The following PELI1 variants were observed in gnomAD, a reference collection of about 807,000 sequenced individuals.
PELI1 encodes E3 ubiquitin-protein ligase pellino homolog 1.
PELI1 carries 15 observed loss-of-function variants against 41.3 expected under a neutral mutation model. That is an observed-to-expected ratio of 0.36 (90% confidence interval 0.24 to 0.56). The LOEUF is 0.56. Ranked by LOEUF, PELI1 falls within the 20% of genes least tolerant of loss-of-function variation. PELI1 has a pLI of 0.82. For missense variants in PELI1, 403 were observed against 525.5 expected (o/e 0.77, Z 2.28); for synonymous variants, 178 against 180.1 (o/e 0.99, Z 0.09).
intron 1 of PELI1, among the ~76,000 whole-genome samples, chr2:64,136,242 A>G (rs1442004845): frequency 6.6e-6 from 1 of 152,176 alleles, no homozygotes; most frequent in Admixed American, 6.5e-5. Context: ...TTCAGAGTTA[A>G]TGGAAAGCCC....
intron 1 of PELI1, among the ~76,000 whole-genome samples, chr2:64,138,386 TTAAC>T (rs1420202463): frequency 6.6e-6 from 1 of 152,178 alleles, no homozygotes; most frequent in Admixed American, 6.5e-5. Flanking sequence ...ATTACTCACT[TTAAC>T]TATTTATCAT....
intron 1 of PELI1, among the ~76,000 whole-genome samples, chr2:64,136,679 T>G (rs893897104): frequency 3.5e-4 from 53 of 152,126 alleles, no homozygotes; most frequent in Non-Finnish European, 6.9e-4. Context: ...GCTGAGGCAG[T>G]GGATCACGAG....
chr2:64,131,619 CTT>C (rs568081785), intron 1 of PELI1, among the ~76,000 whole-genome samples: 27 of 144,280 alleles, frequency 1.9e-4, no homozygotes, highest in African/African-American at 2.3e-4. Flanking sequence ...TAATCTCTCT[CTT>C]TTTTTTTTTT....
intron 1 of PELI1, among the ~76,000 whole-genome samples, chr2:64,138,922 T>C (rs1302093453): frequency 2.0e-5 from 3 of 152,258 alleles, no homozygotes; most frequent in Admixed American, 2.0e-4. Context: ...ATATAGCATC[T>C]ACCTTCAGCA....
intron 3 of PELI1, 96 bp from the exon 4 acceptor site, chr2:64,100,595 C>T: frequency 1.3e-6 from 1 of 744,016 alleles, no homozygotes; most frequent in Non-Finnish European, 2.4e-6. Context: ...TTATCAAATA[C>T]ATGACATATT....
At chr2:64,141,410 CA>C (rs34077611) in intron 1 of PELI1, among the ~76,000 whole-genome samples, 2 of 148,418 alleles carry the variant, frequency 1.3e-5, no homozygotes, top group Admixed American at 6.9e-5. Context: ...TAAAATAATC[CA>C]AAAAGCCTTT....
rs1680098090 is a variant in PELI1 at position 64,092,767 on chromosome 2, T to C, written c.*1935A>G. On this transcript the variant is annotated 3_prime_UTR_variant, in exon 7 of 7. Transcript: ENST00000358912. ...CTTCATCTATTTCAAATGAGTATTT[T>C]TGGAGTGTGGAATAGAGTTGTTCAC... is the stretch of plus-strand genomic sequence containing the variant. 1 of 151,572 alleles carries C rather than the reference T, an allele frequency of 6.6e-6. No homozygotes were observed. Among genetic ancestry groups the C allele is most frequent in the African/African-American group, 2.4e-5 (1 of 40,916 alleles). 9.4% of individuals were successfully genotyped at this position (151,572 alleles called of 1,614,324 possible).
chr2:64,098,954 A>C (rs1279361423), intron 4 of PELI1, among the ~76,000 whole-genome samples: 3 of 152,176 alleles, frequency 2.0e-5, no homozygotes, highest in Non-Finnish European at 4.4e-5. Context: ...AAACTGTTAA[A>C]ACTTATTCAA....
Position 64,102,359 on chromosome 2 carries a change from T to C in PELI1, c.202-1860A>G, listed in dbSNP as rs540422115. 3.3e-5 allele frequency among the ~76,000 whole-genome samples: 5 copies of C among 151,728 alleles called. No individual in the cohort carries two copies. In the South Asian group the frequency reaches 1.0e-3, roughly 31 times the overall value. The stretch of plus-strand genomic sequence containing the variant: ...ATATATATACACACGCACACACACA[T>C]ATACATATATATATGTTTAAGAGAC... On this transcript the variant is annotated intron_variant, in intron 3 of 6. Transcript: ENST00000358912.
rs115210031 is a variant in PELI1 at position 64,116,691 on chromosome 2, C to T, written c.-69-8312G>A. On this transcript the variant is annotated intron_variant, in intron 1 of 6. Transcript: ENST00000358912. ...GTTACAAATGAGCACTCTGGAATTG[C>T]TGAAACAATTGAGTTTTAAAGTTTT... is the stretch of plus-strand genomic sequence containing the variant. 9.9e-3 allele frequency among the ~76,000 whole-genome samples: 1,512 copies of T among 152,292 alleles called. 25 individuals are homozygous for T. The highest frequency in any genetic ancestry group is 0.035 in the African/African-American group (1,435 of 41,562).
chr2:64,118,046 T>C (rs1681059990), intron 1 of PELI1, among the ~76,000 whole-genome samples: 1 of 152,164 alleles, frequency 6.6e-6, no homozygotes, highest in African/African-American at 2.4e-5. Flanking sequence ...CCTGACCTCG[T>C]GATCTGCCCA....
chr2:64,098,437 T>C (rs902415197), intron 4 of PELI1, among the ~76,000 whole-genome samples: 2 of 152,242 alleles, frequency 1.3e-5, no homozygotes, highest in Non-Finnish European at 2.9e-5. Flanking sequence ...TTCGTCAATC[T>C]TTCACCACAC....
At position 64,140,795 on chromosome 2, in the gene PELI1, AAAAACAAACAAAC is replaced by A. The variant is rs1376976618; in HGVS notation, c.-70+3273_-70+3285del. Among the ~76,000 whole-genome samples the A allele has an allele frequency of 9.3e-5, 13 of 139,816 alleles. 4 individuals carry two copies. The highest frequency in any genetic ancestry group is 6.8e-4 in the South Asian group (3 of 4,418). 91.7% of individuals were successfully genotyped at this position (139,816 alleles called of 152,430 possible). On this transcript the variant is annotated intron_variant, in intron 1 of 6. Transcript: ENST00000358912. ...CTACTCAAGACAACATGCAAAAAAAAAAAACAAACAAACAAAAAAAAACCTAGGGGCAGAACTT... is the reference window on the plus strand; with the variant it reads ...CTACTCAAGACAACATGCAAAAAAAAAAAAAAAAACCTAGGGGCAGAACTT...
At chr2:64,100,908 T>C (rs1421486156) in intron 3 of PELI1, among the ~76,000 whole-genome samples, 1 of 152,034 alleles carries the variant, frequency 6.6e-6, no homozygotes, top group Non-Finnish European at 1.5e-5. Flanking sequence ...TTTTGTATTT[T>C]TAGTAGAGAC....
At chr2:64,136,265 T>C (rs911695601) in intron 1 of PELI1, among the ~76,000 whole-genome samples, 2 of 152,210 alleles carry the variant, frequency 1.3e-5, no homozygotes, top group African/African-American at 2.4e-5. Context: ...GAATTAAATA[T>C]GGGCTCAGTT....
At chr2:64,117,969 C>T (rs899864623) in intron 1 of PELI1, among the ~76,000 whole-genome samples, 1 of 152,000 alleles carries the variant, frequency 6.6e-6, no homozygotes, top group Non-Finnish European at 1.5e-5. Context: ...GCCACCACGC[C>T]CAGCTAATTT....
chr2:64,140,748 T>C (rs140201832), intron 1 of PELI1, among the ~76,000 whole-genome samples: 207 of 129,150 alleles, frequency 1.6e-3, no homozygotes, highest in African/African-American at 6.4e-3. Flanking sequence ...TTTTCAGCCT[T>C]TGAAGGAAAA....
At chr2:64,099,953 T>C (rs560932260) in intron 4 of PELI1, among the ~76,000 whole-genome samples, 2 of 152,310 alleles carry the variant, frequency 1.3e-5, no homozygotes, top group East Asian at 1.9e-4. Flanking sequence ...AGTGCCTGGA[T>C]TGTTTATTGT....
Position 64,094,620 on chromosome 2 carries a change from A to G in PELI1, c.*82T>C, listed in dbSNP as rs1576064310. 1.1e-6 allele frequency: 1 copy of G among 899,480 alleles called. No individual in the cohort carries two copies. Among genetic ancestry groups the G allele is most frequent in the East Asian group, 2.5e-5 (1 of 39,786 alleles). The allele number at this position is 899,480 out of a possible 1,614,324, so 55.7% of individuals were successfully genotyped here. A position where few individuals can be genotyped will look rare whatever the true frequency, so the allele number is the denominator to read the frequency against. ...TAATGCAAATGACCAGAGCAGAAAA[A>G]CTGTGACGTGGACAACAGGTTCGAA... On this transcript the variant is annotated 3_prime_UTR_variant, in exon 7 of 7. Coordinates refer to ENST00000358912, the MANE Select transcript of PELI1 (RefSeq NM_020651.4).
Sources: allele counts gnomAD v4.1 joint callset (sites outside exome capture counted in the v4.1 genomes callset), GRCh38; gene constraint gnomAD v4.1.1; transcripts MANE v1.5; gene names NCBI Gene and HGNC (gene_info 2026-07-23, HGNC 2026-07-21).